Variants in TTC23 observed in about 807,000 individuals in gnomAD.
The protein encoded by TTC23 is tetratricopeptide repeat domain 23.
TTC23 carries 58 observed loss-of-function variants against 55.1 expected under a neutral mutation model. That is an observed-to-expected ratio of 1.05 (90% CI 0.85 to 1.31). The LOEUF is 1.31. Ranked by LOEUF, TTC23 falls within the 50% of genes most tolerant of loss-of-function variation. The pLI is 0.00. For synonymous variants in TTC23, 203 were observed against 199.9 expected, an observed-to-expected ratio of 1.02 and a Z score of -0.13; for missense variants, 516 against 534.4, an observed-to-expected ratio of 0.97 and a Z score of 0.34.
In TTC23 at chr15:99,228,636, T is replaced by C. The variant is rs1196429440; in HGVS notation, c.77A>G (p.Lys26Arg). 6.2e-7 allele frequency: 1 copy of C among 1,613,814 alleles called. No homozygotes were observed. The highest frequency in any genetic ancestry group is 1.3e-5 in the African/African-American group (1 of 74,930). Reference sequence around the variant, plus strand: ...CTGAAGCAGCTTGTTTTGGAACTTCTTTCTATGAGTGATGCTAACAGCAGC... The same window carrying C: ...CTGAAGCAGCTTGTTTTGGAACTTCCTTCTATGAGTGATGCTAACAGCAGC... The part of the protein sequence containing the change: ...VVAAVSITHR[K>R]KFQNKLLQTA... The change falls in exon 5 of 14, where the codon AAG becomes AGG. Residue 26 changes from lysine to arginine, a missense_variant. Physicochemically the swap from Lys to Arg is conservative, Grantham distance 26 (BLOSUM62 2). Coordinates refer to ENST00000394132, the MANE Select transcript of TTC23 (RefSeq NM_001288615.3).
chr15:99,233,840 C>T (rs1158086420), intron 4 of TTC23, among the ~76,000 whole-genome samples: 1 of 152,106 alleles, frequency 6.6e-6, no homozygotes, highest in African/African-American at 2.4e-5. Flanking sequence ...AGTAGACAAG[C>T]AATGGAACAG....
chr15:99,216,049 A>G (rs758515775), intron 8 of TTC23, among the ~76,000 whole-genome samples: 4 of 152,188 alleles, frequency 2.6e-5, no homozygotes, highest in Non-Finnish European at 5.9e-5. Flanking sequence ...GGTTAAGAAG[A>G]TATGAGGCTG....
chr15:99,147,404 T>G (rs1315843482), intron 12 of TTC23, among the ~76,000 whole-genome samples: 1 of 151,948 alleles, frequency 6.6e-6, no homozygotes, highest in Non-Finnish European at 1.5e-5. Context: ...TTTTTGTATT[T>G]TTAGTAGAGA....
intron 9 of TTC23, among the ~76,000 whole-genome samples, chr15:99,179,843 G>A (rs2073949847): frequency 6.6e-6 from 1 of 152,232 alleles, no homozygotes; most frequent in Non-Finnish European, 1.5e-5. Flanking sequence ...GAGAACCACA[G>A]CACATGCTGG....
intron 8 of TTC23, among the ~76,000 whole-genome samples, chr15:99,208,257 TATATACACACATATATATATGCTATAC>T (rs1442530178): frequency 6.6e-6 from 1 of 152,098 alleles, no homozygotes; most frequent in Non-Finnish European, 1.5e-5. Flanking sequence ...ATTTTATATA[TATATACACACATATATATATGCTATAC>T]ATATACACAG....
chr15:99,145,181 A>C (rs1419776303), intron 12 of TTC23: 1 of 152,182 alleles, frequency 6.6e-6, no homozygotes, highest in African/African-American at 2.4e-5. Context: ...GGCTGGACCC[A>C]CGTCTTTGTC....
chr15:99,215,248 C>T (rs918093097), intron 8 of TTC23, among the ~76,000 whole-genome samples: 4 of 151,908 alleles, frequency 2.6e-5, no homozygotes, highest in Non-Finnish European at 4.4e-5. Context: ...GTCAGTTGTA[C>T]GTATTACAAA....
At chr15:99,210,231 AG>A (rs1484070731) in intron 8 of TTC23, among the ~76,000 whole-genome samples, 1 of 152,192 alleles carries the variant, frequency 6.6e-6, no homozygotes, top group Non-Finnish European at 1.5e-5. Flanking sequence ...ATGTCAGAAA[AG>A]GAAAGACAGA....
intron 12 of TTC23, among the ~76,000 whole-genome samples, chr15:99,146,536 C>T (rs551921407): frequency 1.2e-4 from 18 of 152,320 alleles, no homozygotes; most frequent in Admixed American, 3.3e-4. Context: ...AGCGAAGCTC[C>T]GAAAAACCGC....
At chr15:99,246,875 G>A (rs969205456) in intron 1 of TTC23, among the ~76,000 whole-genome samples, 1 of 152,182 alleles carries the variant, frequency 6.6e-6, no homozygotes, top group East Asian at 1.9e-4. Flanking sequence ...GGCCGAGATC[G>A]TGGCACTCTG....
chr15:99,178,845 G>A (rs1054851550), intron 9 of TTC23, among the ~76,000 whole-genome samples: 1 of 152,200 alleles, frequency 6.6e-6, no homozygotes, highest in African/African-American at 2.4e-5. Flanking sequence ...CCCAAGATGA[G>A]CACGCTGGCT....
intron 12 of TTC23, among the ~76,000 whole-genome samples, chr15:99,145,986 TCATC>T (rs2068813198): frequency 6.6e-6 from 1 of 152,144 alleles, no homozygotes; most frequent in Non-Finnish European, 1.5e-5. Flanking sequence ...GGCATGGATG[TCATC>T]CTTGCTGTCT....
chr15:99,142,555 C>A (rs1422665260), intron 12 of TTC23, among the ~76,000 whole-genome samples: 1 of 152,140 alleles, frequency 6.6e-6, no homozygotes, highest in Non-Finnish European at 1.5e-5. Context: ...TTAGTTGAGA[C>A]AGTCTGAGGT....
intron 9 of TTC23, among the ~76,000 whole-genome samples, chr15:99,192,508 T>C (rs2075328990): frequency 6.6e-6 from 1 of 152,228 alleles, no homozygotes; most frequent in Admixed American, 6.5e-5. Flanking sequence ...GCCTGAAGAC[T>C]TGGCAGCTTC....
intron 12 of TTC23, chr15:99,155,780 C>A: frequency 3.4e-6 from 1 of 292,582 alleles, no homozygotes; most frequent in Non-Finnish European, 6.3e-6. Flanking sequence ...CTCATGCCAT[C>A]CACACAAATA....
chr15:99,149,142 T>A (rs1475480410), intron 12 of TTC23, among the ~76,000 whole-genome samples: 5 of 152,166 alleles, frequency 3.3e-5, no homozygotes, highest in African/African-American at 1.2e-4. Context: ...AAATATGGCA[T>A]TTGAGAAACT....
intron 1 of TTC23, among the ~76,000 whole-genome samples, chr15:99,248,605 G>A (rs2080465314): frequency 6.6e-6 from 1 of 152,142 alleles, no homozygotes; most frequent in Non-Finnish European, 1.5e-5. Flanking sequence ...AGCTCCTGAA[G>A]CACCTGTGCT....
intron 3 of TTC23, among the ~76,000 whole-genome samples, chr15:99,236,306 CT>C (rs1047148565): frequency 3.2e-4 from 49 of 152,186 alleles, no homozygotes; most frequent in Middle Eastern, 3.4e-3. Flanking sequence ...AACTTATTTT[CT>C]TTTTTTAATA....
intron 5 of TTC23, among the ~76,000 whole-genome samples, chr15:99,226,027 A>G (rs1229908499): frequency 6.6e-6 from 1 of 152,218 alleles, no homozygotes; most frequent in Non-Finnish European, 1.5e-5. Flanking sequence ...ACGAACTCAA[A>G]CAGAGAGATA....
Sources: gnomAD v4.1 joint callset for allele counts (sites outside exome capture counted in the v4.1 genomes callset) on GRCh38, gnomAD v4.1.1 for gene constraint, MANE v1.5 for transcripts, NCBI Gene and HGNC (gene_info 2026-07-23, HGNC 2026-07-21) for gene names.